The following CDNF variants were observed in gnomAD, a reference collection of about 807,000 sequenced individuals.
The protein encoded by CDNF is ARMET-like protein 1.
A neutral mutation model predicts 14.8 loss-of-function variants in CDNF; 9 were observed. The ratio of observed to expected loss-of-function variants is 0.61; its 90% CI spans 0.37 to 1.06. The LOEUF is 1.06. CDNF is among the 50% of genes least tolerant of loss of function. CDNF has a pLI of 0.01. For synonymous variants in CDNF, 86 were observed against 87.2 expected (o/e 0.99, Z 0.07); for missense variants, 228 against 228.4 (o/e 1.00, Z 0.01).
In CDNF at chr10:14,837,145, T is replaced by C. The variant is rs539161786; in HGVS notation, c.115+687A>G. Among the ~76,000 whole-genome samples the C allele has an allele frequency of 3.9e-5, 6 of 152,312 alleles. No homozygotes were observed. In the South Asian group the frequency reaches 1.0e-3, roughly 26 times the overall value. ...GGAGTCCAGAAGGAAGGGGCTAGCA[T>C]AGCCACTTACCTTCTTTGCCTTTGC... On this transcript the variant is annotated intron_variant, in intron 1 of 3. Transcript: ENST00000465530.
At chr10:14,828,721 G>T (rs1183474264) in intron 1 of CDNF, among the ~76,000 whole-genome samples, 1 of 145,718 alleles carries the variant, frequency 6.9e-6, no homozygotes, top group Non-Finnish European at 1.5e-5. Context: ...AGAATGATTT[G>T]GGGGCCAGGC....
intron 3 of CDNF, among the ~76,000 whole-genome samples, chr10:14,820,556 A>C (rs1040248322): frequency 2.6e-5 from 4 of 151,876 alleles, no homozygotes; most frequent in Non-Finnish European, 5.9e-5. Flanking sequence ...GTGAAACCAC[A>C]CCTCTACTAA....
rs75647641 is a variant in CDNF at position 14,823,940 on chromosome 10, G to C, written c.385+1539C>G. ...ATAACTACCCTGGAAGTTAGGGCTT[G>C]TGCTTTGCAAGTTAAGAAATAGGTT... On this transcript the variant is annotated intron_variant, in intron 3 of 3. Transcript: ENST00000465530. 8.3e-3 allele frequency among the ~76,000 whole-genome samples: 1,265 copies of C among 152,324 alleles called. 23 individuals carry two copies. Among genetic ancestry groups the C allele is most frequent in the African/African-American group, 0.029 (1,190 of 41,560 alleles).
intron 2 of CDNF, among the ~76,000 whole-genome samples, chr10:14,826,089 A>AGC (rs1833783315): frequency 1.6e-5 from 2 of 125,412 alleles, no homozygotes; most frequent in Admixed American, 8.3e-5. Context: ...GAAGAAGAAG[A>AGC]AGAAGAAGCA....
rs777332825 is a variant in CDNF, at chr10:14,819,936, C to A, written c.*44G>T. ...AACATGTCCATATCCTAGAGAGTCA[C>A]TTTTCTCTCTAATTACAAGTCACAA... On this transcript the variant is annotated 3_prime_UTR_variant, in exon 4 of 4. Coordinates refer to ENST00000465530, the MANE Select transcript of CDNF (RefSeq NM_001029954.3). 1 of 1,564,346 alleles carries A rather than the reference C, an allele frequency of 6.4e-7. No individual in the cohort carries two copies. Among genetic ancestry groups the A allele is most frequent in the Non-Finnish European group, 8.7e-7 (1 of 1,145,390 alleles).
rs760345256 is a variant in CDNF, at chr10:14,837,883, C to T, written c.64G>A (p.Val22Met). ...CCGGCCTCCTGGCCCTGCGTCAGCA[C>T]CGGGTGAGAGACCAAAAGCCCGGCG... ...FCAGLLVSHPVLTQGQEAGGR... is the reference protein window; with the variant it reads ...FCAGLLVSHPMLTQGQEAGGR... Residue 22 changes from valine (V) to methionine (M), a missense_variant, in exon 1 of 4, where the codon GTG (valine) becomes ATG (methionine). Transcript: ENST00000465530. 18 of 1,606,864 alleles carry T rather than the reference C, an allele frequency of 1.1e-5. No individual in the cohort carries two copies. Among genetic ancestry groups the T allele is most frequent in the Non-Finnish European group, 1.4e-5 (17 of 1,178,438 alleles).
intron 3 of CDNF, among the ~76,000 whole-genome samples, chr10:14,820,467 C>G (rs1285738048): frequency 6.6e-6 from 1 of 152,106 alleles, no homozygotes; most frequent in African/African-American, 2.4e-5. Context: ...TGGCTCATGC[C>G]TGTAATCTCA....
At chr10:14,826,014 C>G (rs12765949) in intron 2 of CDNF, among the ~76,000 whole-genome samples, 14 of 92,830 alleles carry the variant, frequency 1.5e-4, no homozygotes, top group South Asian at 7.0e-4. Flanking sequence ...GAAGCAGAAG[C>G]AGAAGAAGAA....
chr10:14,829,654 A>C (rs1054515605), intron 1 of CDNF, among the ~76,000 whole-genome samples: 6 of 152,104 alleles, frequency 3.9e-5, no homozygotes. Flanking sequence ...TTTAAGACGA[A>C]GTCTCGCTCT....
intron 1 of CDNF, among the ~76,000 whole-genome samples, chr10:14,835,667 T>C (rs1038510397): frequency 1.3e-5 from 2 of 152,212 alleles, no homozygotes; most frequent in African/African-American, 4.8e-5. Flanking sequence ...GAATCTATAA[T>C]TATTTTAAAA....
intron 1 of CDNF, among the ~76,000 whole-genome samples, chr10:14,829,388 A>G (rs749806203): frequency 6.6e-6 from 1 of 152,150 alleles, no homozygotes; most frequent in Non-Finnish European, 1.5e-5. Context: ...AGGCGAGAGG[A>G]TCTCTTGAGG....
chr10:14,837,487 A>G (rs927000458), intron 1 of CDNF, among the ~76,000 whole-genome samples: 1 of 152,222 alleles, frequency 6.6e-6, no homozygotes, highest in Non-Finnish European at 1.5e-5. Context: ...TCTTCTGTGC[A>G]AGGGGAGGCA....
intron 3 of CDNF, among the ~76,000 whole-genome samples, chr10:14,822,356 T>A (rs1012128253): frequency 6.6e-6 from 1 of 152,140 alleles, no homozygotes; most frequent in Non-Finnish European, 1.5e-5. Flanking sequence ...AATAATAAGC[T>A]CATCTGTAAT....
intron 2 of CDNF, 91 bp downstream of exon 2, chr10:14,828,054 T>A: frequency 1.5e-6 from 2 of 1,317,454 alleles, no homozygotes; most frequent in South Asian, 1.3e-5. Flanking sequence ...GAGGCAAACA[T>A]GTAAGTAGGA....
intron 1 of CDNF, among the ~76,000 whole-genome samples, chr10:14,829,257 A>T (rs1179935965): frequency 2.0e-5 from 3 of 152,218 alleles, no homozygotes; most frequent in Admixed American, 2.0e-4. Flanking sequence ...CCTGAATAAG[A>T]ATCCTGAATG....
intron 1 of CDNF, among the ~76,000 whole-genome samples, chr10:14,828,598 G>T (rs1037622159): frequency 6.6e-6 from 1 of 151,688 alleles, no homozygotes; most frequent in African/African-American, 2.4e-5. Flanking sequence ...AGTGAGCCGA[G>T]ATCTTACCAC....
At chr10:14,835,789 A>T (rs774426181) in intron 1 of CDNF, among the ~76,000 whole-genome samples, 9 of 152,226 alleles carry the variant, frequency 5.9e-5, no homozygotes, top group Non-Finnish European at 1.2e-4. Flanking sequence ...CACAGACTTG[A>T]ATATCTACAG....
intron 3 of CDNF, among the ~76,000 whole-genome samples, chr10:14,822,907 C>T (rs755381334): frequency 1.3e-5 from 2 of 152,170 alleles, no homozygotes; most frequent in Admixed American, 6.5e-5. Context: ...GATTCCCTAT[C>T]CTTTTTAAAC....
Position 14,825,513 on chromosome 10 carries a change from C to T in CDNF, c.351G>A (p.Lys117=). 1 of 1,614,150 alleles carries T rather than the reference C, an allele frequency of 6.2e-7. No individual in the cohort carries two copies. Among genetic ancestry groups the T allele is most frequent in the Non-Finnish European group, 8.5e-7 (1 of 1,180,016 alleles). Residue 117 remains lysine (K), a synonymous_variant, in exon 3 of 4, where the codon AAG becomes AAA. Coordinates refer to ENST00000465530, the MANE Select transcript of CDNF (RefSeq NM_001029954.3). ...MPAMKICEKL[K]KLDSQICELK... ...GCTCACAGATCTGGCTATCCAACTT[C>T]TTCAGCTTCTCACAAATCTTCATTG...
Sources: gnomAD v4.1 joint callset for allele counts (sites outside exome capture counted in the v4.1 genomes callset) on GRCh38, gnomAD v4.1.1 for gene constraint, MANE v1.5 for transcripts, NCBI Gene and HGNC (gene_info 2026-07-23, HGNC 2026-07-21) for gene names.